The following PCDHA10 variants were observed in gnomAD, a reference collection of about 807,000 sequenced individuals.
The protein encoded by PCDHA10 is protocadherin alpha-10.
Under a neutral mutation model 61.2 loss-of-function variants are expected in PCDHA10, and 45 were observed. The ratio of observed to expected loss-of-function variants is 0.74; its 90% confidence interval spans 0.58 to 0.94. The LOEUF is 0.94. Among genes scored for constraint, PCDHA10 ranks in the 40% least tolerant of loss-of-function variants. The pLI, the probability that PCDHA10 is intolerant of heterozygous loss-of-function variation, is 0.00. For missense variants in PCDHA10, 1,278 were observed against 1,236.2 expected, an observed-to-expected ratio of 1.03 and a Z score of -0.51; for synonymous variants, 602 against 548.8, an observed-to-expected ratio of 1.10 and a Z score of -1.35.
At chr5:140,966,753 C>T in intron 1 of PCDHA10, 1 of 1,433,176 alleles carries the variant, frequency 7.0e-7, no homozygotes, top group South Asian at 1.5e-5. Context: ...CTGCCTCCGC[C>T]GCGGCCAGTG....
chr5:140,928,836 C>G, intron 1 of PCDHA10: 2 of 1,614,168 alleles, frequency 1.2e-6, no homozygotes, highest in South Asian at 2.2e-5. Context: ...CACTTTCCTC[C>G]TCTGTCACTC....
chr5:140,869,476 G>T (rs530490517), intron 1 of PCDHA10: 1 of 1,614,194 alleles, frequency 6.2e-7, no homozygotes, highest in African/African-American at 1.3e-5. Flanking sequence ...GGAGGTGAAG[G>T]ACATTAACGA....
chr5:140,966,922 G>A (rs782206344), intron 1 of PCDHA10: 5 of 1,603,072 alleles, frequency 3.1e-6, no homozygotes, highest in Non-Finnish European at 4.2e-6. Context: ...CAGAGGAGCA[G>A]GCACCCGGCG....
chr5:140,980,575 A>C (rs901433332), intron 2 of PCDHA10, among the ~76,000 whole-genome samples: 3 of 152,296 alleles, frequency 2.0e-5, no homozygotes, highest in Admixed American at 1.3e-4. Context: ...AGTTGCAGTG[A>C]GCCAAGATCG....
At chr5:140,884,378 A>G (rs781954919) in intron 1 of PCDHA10, 3 of 1,613,952 alleles carry the variant, frequency 1.9e-6, no homozygotes, top group Non-Finnish European at 2.5e-6. Flanking sequence ...GATCATTGCC[A>G]TCTGCGCGGT....
In PCDHA10 at chr5:141,011,003, C is replaced by T. The variant is rs748731648; in HGVS notation, c.*1066C>T. ...ATTGCCTGAAACATCTGTATTATAT[C>T]GGCCACCTGCCAATCACAGCTTTAC... On this transcript the variant is annotated 3_prime_UTR_variant, in exon 4 of 4. Coordinates refer to ENST00000307360, the MANE Select transcript of PCDHA10 (RefSeq NM_018901.4). 1 of 153,706 alleles carries T rather than the reference C, an allele frequency of 6.5e-6. No individual in the cohort carries two copies. The highest frequency in any genetic ancestry group is 2.1e-4 in the South Asian group (1 of 4,816). 9.5% of individuals were successfully genotyped at this position (153,706 alleles called of 1,614,324 possible).
chr5:140,883,032 C>T, intron 1 of PCDHA10: 1 of 1,614,064 alleles, frequency 6.2e-7, no homozygotes. Context: ...TTAGAGAACG[C>T]CTTCAATGGA....
At chr5:141,005,769 G>A (rs1421440870) in intron 3 of PCDHA10, among the ~76,000 whole-genome samples, 3 of 129,926 alleles carry the variant, frequency 2.3e-5, no homozygotes, top group Non-Finnish European at 4.9e-5. Context: ...AAGCAAACCA[G>A]ATGTGTAAAG....
At chr5:140,976,688 G>T (rs1343503965) in intron 1 of PCDHA10, among the ~76,000 whole-genome samples, 2 of 152,118 alleles carry the variant, frequency 1.3e-5, no homozygotes, top group East Asian at 3.8e-4. Context: ...TGCAATTTAA[G>T]TACAATAATG....
chr5:140,990,184 A>G lies in PCDHA10; in HGVS notation c.2536+7621A>G, dbSNP rs1230599539. 1.3e-5 allele frequency among the ~76,000 whole-genome samples: 2 copies of G among 152,158 alleles called. 1 individual carries two copies. The highest frequency in any genetic ancestry group is 2.9e-5 in the Non-Finnish European group (2 of 68,034). ...GGGTATGAAAAGGTGACTTTTAAGA[A>G]CCAAATGTGGACCCGAAAGAGAACA... is the stretch of plus-strand genomic sequence containing the variant. On this transcript the variant is annotated intron_variant, in intron 3 of 3. Transcript: ENST00000307360.
intron 1 of PCDHA10, among the ~76,000 whole-genome samples, chr5:140,952,230 A>C (rs1177331328): frequency 6.6e-6 from 1 of 151,960 alleles, no homozygotes; most frequent in African/African-American, 2.4e-5. Flanking sequence ...ACAGTGTGCA[A>C]GCTGCTTAGA....
At chr5:140,975,750 CTA>C (rs2096680444) in intron 1 of PCDHA10, among the ~76,000 whole-genome samples, 2 of 152,118 alleles carry the variant, frequency 1.3e-5, no homozygotes, top group African/African-American at 4.8e-5. Flanking sequence ...CTCAAATATT[CTA>C]TGTCATAAAT....
chr5:140,886,097 A>C (rs1341108712), intron 1 of PCDHA10, among the ~76,000 whole-genome samples: 1 of 152,214 alleles, frequency 6.6e-6, no homozygotes, highest in Admixed American at 6.5e-5. Context: ...ATTGACATTG[A>C]TACAGTAAAG....
chr5:140,857,746 G>C lies in PCDHA10; in HGVS notation c.1698G>C (p.Ala566=). 5.0e-6 allele frequency: 8 copies of C among 1,597,368 alleles called. No homozygotes were observed. In the South Asian group the frequency reaches 8.8e-5, roughly 18 times the overall value. The change falls in exon 1 of 4, where the codon GCG becomes GCC. Residue 566 remains alanine, a synonymous_variant. Coordinates refer to ENST00000307360, the MANE Select transcript of PCDHA10 (RefSeq NM_018901.4). The part of the protein sequence containing the change: ...DENDNAPALL[A]SPAGSAGGAV... ...ACGACAACGCTCCCGCGCTGCTGGC[G>C]TCTCCCGCTGGCAGCGCGGGCGGTG...
intron 1 of PCDHA10, chr5:140,883,514 G>A: frequency 6.2e-7 from 1 of 1,614,220 alleles, no homozygotes; most frequent in Non-Finnish European, 8.5e-7. Context: ...CCTGGACCGC[G>A]AGAGCGTATC....
At chr5:140,869,659 G>A (rs782595471) in intron 1 of PCDHA10, 4 of 1,613,446 alleles carry the variant, frequency 2.5e-6, no homozygotes, top group Non-Finnish European at 3.4e-6. Context: ...ACCAACAAAT[G>A]GTAAGCAGAT....
chr5:140,917,323 G>C (rs1363512198), intron 1 of PCDHA10, among the ~76,000 whole-genome samples: 1 of 147,758 alleles, frequency 6.8e-6, no homozygotes, highest in African/African-American at 2.5e-5. Context: ...TGTTCATGTG[G>C]CGGGGGAGGG....
In PCDHA10 at chr5:140,857,075, A is replaced by C. The variant is rs782381292; in HGVS notation, c.1027A>C (p.Asn343His). Residue 343 changes from asparagine (N) to histidine (H), a missense_variant, in exon 1 of 4, where the codon AAT (asparagine) becomes CAT (histidine). By Grantham distance (68) the Asn-to-His change is moderately conservative. Coordinates refer to ENST00000307360, the MANE Select transcript of PCDHA10 (RefSeq NM_018901.4). ...CTVLVELLDE[N>H]DNSPEVIVTS... is the part of the protein sequence containing the mutation. ...GGTCCTAGTGGAACTACTGGATGAA[A>C]ATGATAATTCACCTGAGGTGATTGT... is the stretch of plus-strand genomic sequence containing the variant. 10 of 1,597,052 alleles carry C rather than the reference A, an allele frequency of 6.3e-6. 1 individual carries two copies. The highest frequency in any genetic ancestry group is 8.6e-6 in the Non-Finnish European group (10 of 1,166,684).
At position 140,967,577 on chromosome 5, in the gene PCDHA10, C is replaced by T. The variant is rs141338011; in HGVS notation, c.2389-11372C>T. Reference sequence around the variant, plus strand: ...TCGCGTCCAGCTACGGGAGGACTCACCCCCAGGCACATTGGTGGTGAAGCT... The same window carrying T: ...TCGCGTCCAGCTACGGGAGGACTCATCCCCAGGCACATTGGTGGTGAAGCT... On this transcript the variant is annotated intron_variant, in intron 1 of 3. Transcript: ENST00000307360. 11 of 1,614,016 alleles carry T rather than the reference C, an allele frequency of 6.8e-6. No homozygotes were observed. Among genetic ancestry groups the T allele is most frequent in the African/African-American group, 4.0e-5 (3 of 74,938 alleles).
Sources: allele counts gnomAD v4.1 joint callset (sites outside exome capture counted in the v4.1 genomes callset), GRCh38; gene constraint gnomAD v4.1.1; transcripts MANE v1.5; gene names NCBI Gene and HGNC (gene_info 2026-07-23, HGNC 2026-07-21).